Variants in NDEL1 observed in about 807,000 individuals in gnomAD.
NDEL1 encodes nuclear distribution protein nudE-like 1.
Under a neutral mutation model 45.7 loss-of-function variants are expected in NDEL1, and 9 were observed. The observed-to-expected ratio is 0.20, with a 90% CI of 0.12 to 0.34. The LOEUF (loss-of-function observed/expected upper bound fraction) is 0.34, where lower values mean the gene tolerates loss of function less well. NDEL1 is among the 10% of genes least tolerant of loss of function. The pLI is 1.00. For missense variants in NDEL1, 306 were observed against 406.2 expected, an observed-to-expected ratio of 0.75 and a Z score of 2.12; for synonymous variants, 133 against 158.6, an observed-to-expected ratio of 0.84 and a Z score of 1.21.
At chr17:8,474,247 A>T (rs1027709209) in intron 3 of NDEL1, 33 of 152,776 alleles carry the variant, frequency 2.2e-4, no homozygotes, top group African/African-American at 7.9e-4. Context: ...AGGTCTCTTT[A>T]TTCTCCACGG....
upstream of NDEL1, among the ~76,000 whole-genome samples, chr17:8,433,374 G>T (rs1411046255): frequency 6.6e-6 from 1 of 152,096 alleles, no homozygotes; most frequent in Non-Finnish European, 1.5e-5. Context: ...TGATGTGGAG[G>T]GTCTGCTGCT....
intron 3 of NDEL1, among the ~76,000 whole-genome samples, chr17:8,473,965 G>T (rs754892780): frequency 2.6e-5 from 4 of 152,238 alleles, no homozygotes; most frequent in Non-Finnish European, 4.4e-5. Context: ...TCCCTTGACA[G>T]GTGGGCCAGC....
At chr17:8,417,564 TA>T (rs1323819491) in intron 1 of NDEL1, among the ~76,000 whole-genome samples, 1 of 152,238 alleles carries the variant, frequency 6.6e-6, no homozygotes, top group Non-Finnish European at 1.5e-5. Flanking sequence ...CGTGTGTCTG[TA>T]TCTGGCCCTG....
chr17:8,443,745 G>A (rs1387066605), intron 1 of NDEL1, among the ~76,000 whole-genome samples: 1 of 152,090 alleles, frequency 6.6e-6, no homozygotes, highest in African/African-American at 2.4e-5. Flanking sequence ...ATTAACAGGA[G>A]GTTTTTAGAG....
chr17:8,470,200 AAGAGTGCCTCTGGGT>A (rs1176768882), downstream of NDEL1, among the ~76,000 whole-genome samples: 1 of 152,050 alleles, frequency 6.6e-6, no homozygotes, highest in South Asian at 2.1e-4. The surrounding 1 kb of genome is among the most constrained non-coding windows in gnomAD (Gnocchi z 4.2). Context: ...TGTCTAGCTG[AAGAGTGCCTCTGGGT>A]AGAGTGCCTC....
intron 1 of NDEL1, among the ~76,000 whole-genome samples, chr17:8,417,731 C>T (rs1338526350): frequency 6.6e-6 from 1 of 152,210 alleles, no homozygotes; most frequent in African/African-American, 2.4e-5. Flanking sequence ...TCTCATCATT[C>T]TGTATGTAGC....
chr17:8,470,553 C>T (rs1160009388), downstream of NDEL1, among the ~76,000 whole-genome samples: 1 of 152,184 alleles, frequency 6.6e-6, no homozygotes, highest in Non-Finnish European at 1.5e-5. The surrounding 1 kb of genome is among the most constrained non-coding windows in gnomAD (Gnocchi z 4.2). Flanking sequence ...GTGAGGCCTG[C>T]AAGAACTATA....
chr17:8,467,227 T>C lies in NDEL1; in HGVS notation c.*204T>C. On this transcript the variant is annotated 3_prime_UTR_variant, in exon 9 of 9. Transcript: ENST00000334527. This position sits in a 1 kb window ranked among gnomAD's most constrained non-coding sequence, Gnocchi z 6.3. ...GATATCAATACTGGCTATTTTCTCT[T>C]CTCGCCGTAGTGCCGTTGGTTTCAC... 1.7e-6 allele frequency: 1 copy of C among 596,762 alleles called. No homozygotes were observed. Among genetic ancestry groups the C allele is most frequent in the Non-Finnish European group, 3.0e-6 (1 of 336,672 alleles). The allele number at this position is 596,762 out of a possible 1,614,324, so 37.0% of individuals were successfully genotyped here. A position where few individuals can be genotyped will look rare whatever the true frequency, so the allele number is the denominator to read the frequency against.
rs898150382 is a variant in NDEL1 at position 8,436,050 on chromosome 17, G to T, written c.-13+5G>T. On this transcript the variant is annotated splice_donor_5th_base_variant and intron_variant, in intron 1 of 8. Transcript: ENST00000334527. The stretch of plus-strand genomic sequence containing the variant: ...TGCGCTTTTGACACATTGGAGGTGA[G>T]CCTGCAGCGCGGGGCCGCTCCCTAA... 6 of 436,094 alleles carry T rather than the reference G, an allele frequency of 1.4e-5. No homozygotes were observed. The highest frequency in any genetic ancestry group is 2.7e-5 in the Non-Finnish European group (6 of 218,796). The allele number at this position is 436,094 out of a possible 1,614,324, so 27.0% of individuals were successfully genotyped here. A position where few individuals can be genotyped will look rare whatever the true frequency, so the allele number is the denominator to read the frequency against.
chr17:8,443,583 G>A (rs1029536943), intron 1 of NDEL1, among the ~76,000 whole-genome samples: 5 of 152,242 alleles, frequency 3.3e-5, no homozygotes, highest in African/African-American at 1.2e-4. Context: ...TCAGTTGGGA[G>A]TTGTAGGTAG....
At chr17:8,432,731 A>G (rs1909049663), upstream of NDEL1, among the ~76,000 whole-genome samples, 1 of 152,034 alleles carries the variant, frequency 6.6e-6, no homozygotes, top group Non-Finnish European at 1.5e-5. Flanking sequence ...GAGGGAGCCA[A>G]ATTGGGACTG....
intron 4 of NDEL1, 65 bp from the exon 5 acceptor site, chr17:8,448,485 C>T: frequency 6.6e-7 from 1 of 1,512,410 alleles, no homozygotes; most frequent in East Asian, 2.3e-5. Context: ...CTGACAGTTT[C>T]CTTTTGTACT....
intron 5 of NDEL1, 26 bp from the exon 6 acceptor site, chr17:8,450,754 C>T (rs72841789): frequency 0.057 from 90,420 of 1,593,004 alleles, 3,011 homozygotes; most frequent in Non-Finnish European, 0.066. Flanking sequence ...GTGAGTATTC[C>T]TGCCCTTGTT....
At position 8,456,530 on chromosome 17, in the gene NDEL1, G is replaced by A. The variant is rs1221869880; in HGVS notation, c.792+1643G>A. ...TTTTTTTTTTTGAGAACGGAGTCTC[G>A]CTTTGTTGCCAAGGCTGGAGTGCAG... On this transcript the variant is annotated intron_variant, in intron 7 of 8. Coordinates refer to ENST00000334527, the MANE Select transcript of NDEL1 (RefSeq NM_030808.5). Among the ~76,000 whole-genome samples, 5 of 111,526 alleles carry A rather than the reference G, an allele frequency of 4.5e-5. No homozygotes were observed. The East Asian group carries it at 1.3e-3, about 29-fold the overall frequency. The allele number at this position is 111,526 out of a possible 152,430, so 73.2% of individuals were successfully genotyped here.
chr17:8,463,405 G>T, intron 8 of NDEL1: 1 of 1,570,014 alleles, frequency 6.4e-7, no homozygotes, highest in Non-Finnish European at 8.8e-7. Context: ...TAATCCTGGT[G>T]TGTGGTGGAA....
chr17:8,435,011 A>G (rs1434122319), upstream of NDEL1, among the ~76,000 whole-genome samples: 4 of 152,130 alleles, frequency 2.6e-5, no homozygotes, highest in African/African-American at 9.7e-5. Context: ...CGGAGGTTGC[A>G]GTGAGCCGAG....
downstream of NDEL1, among the ~76,000 whole-genome samples, chr17:8,468,637 G>A (rs767027922): frequency 7.9e-5 from 12 of 152,236 alleles, no homozygotes; most frequent in Non-Finnish European, 1.8e-4. Context: ...TGAAGAACGC[G>A]TAAACTGGGG....
chr17:8,434,714 T>TAC (rs2151702027), upstream of NDEL1, among the ~76,000 whole-genome samples: 1 of 152,200 alleles, frequency 6.6e-6, no homozygotes, highest in East Asian at 1.9e-4. Flanking sequence ...CGCTAGGGAA[T>TAC]ACACACGCGC....
At chr17:8,438,619 G>A (rs1026525186) in intron 1 of NDEL1, among the ~76,000 whole-genome samples, 1 of 151,746 alleles carries the variant, frequency 6.6e-6, no homozygotes, top group African/African-American at 2.4e-5. Flanking sequence ...GGACTCAAGC[G>A]ATCCTCCCAC....
Sources: gnomAD v4.1 joint callset for allele counts (sites outside exome capture counted in the v4.1 genomes callset) on GRCh38, gnomAD v4.1.1 for gene constraint, Gnocchi (gnomAD v3.1) non-coding constraint, MANE v1.5 for transcripts, NCBI Gene and HGNC (gene_info 2026-07-23, HGNC 2026-07-21) for gene names.